SLC2A13: variants seen among roughly 807,000 people sequenced by gnomAD.
The protein encoded by SLC2A13 is proton myo-inositol cotransporter.
SLC2A13 carries 32 observed loss-of-function variants against 64.4 expected under a neutral mutation model. The observed-to-expected ratio is 0.50, with a 90% confidence interval of 0.37 to 0.67. The LOEUF is 0.67. Among genes scored for constraint, SLC2A13 ranks in the 30% least tolerant of loss-of-function variants. The pLI is 0.00. For synonymous variants in SLC2A13, 338 were observed against 327.1 expected, an observed-to-expected ratio of 1.03 and a Z score of -0.36; for missense variants, 743 against 829.2, an observed-to-expected ratio of 0.90 and a Z score of 1.28.
chr12:39,946,670 A>G (rs1418310250), intron 4 of SLC2A13, among the ~76,000 whole-genome samples: 1 of 152,174 alleles, frequency 6.6e-6, no homozygotes, highest in Non-Finnish European at 1.5e-5. Flanking sequence ...GGCCTCACCC[A>G]ACTCTCACGC....
chr12:39,915,698 GT>G (rs905137492), intron 4 of SLC2A13, among the ~76,000 whole-genome samples: 2 of 151,778 alleles, frequency 1.3e-5, no homozygotes, highest in Non-Finnish European at 2.9e-5. Flanking sequence ...AAAGTTTAGG[GT>G]TAAAAATATC....
At chr12:40,032,231 G>T (rs1947916455) in intron 2 of SLC2A13, among the ~76,000 whole-genome samples, 1 of 152,252 alleles carries the variant, frequency 6.6e-6, no homozygotes, top group South Asian at 2.1e-4. Flanking sequence ...GGGTAAACAT[G>T]AACAACAAGC....
intron 1 of SLC2A13, among the ~76,000 whole-genome samples, chr12:40,060,113 A>G (rs1045380243): frequency 6.6e-6 from 1 of 152,094 alleles, no homozygotes; most frequent in Non-Finnish European, 1.5e-5. Context: ...GGATGGATGG[A>G]TGGATGGATG....
intron 4 of SLC2A13, among the ~76,000 whole-genome samples, chr12:39,921,111 T>C (rs940182271): frequency 6.6e-6 from 1 of 152,118 alleles, no homozygotes; most frequent in South Asian, 2.1e-4. Context: ...GTTTTATACA[T>C]AGGGTTTCTA....
intron 6 of SLC2A13, among the ~76,000 whole-genome samples, chr12:39,840,152 T>C (rs1202464952): frequency 1.3e-5 from 2 of 151,894 alleles, no homozygotes; most frequent in Non-Finnish European, 2.9e-5. Context: ...CTGCCTCAGC[T>C]TCCTGAGTAG....
At chr12:40,080,907 T>C (rs1166266451) in intron 1 of SLC2A13, among the ~76,000 whole-genome samples, 2 of 152,200 alleles carry the variant, frequency 1.3e-5, no homozygotes, top group Non-Finnish European at 2.9e-5. Context: ...GGTAATGAAT[T>C]CCCTTAGTGT....
intron 4 of SLC2A13, among the ~76,000 whole-genome samples, chr12:39,898,870 C>T (rs1253619862): frequency 6.6e-6 from 1 of 152,052 alleles, no homozygotes; most frequent in Non-Finnish European, 1.5e-5. Flanking sequence ...ATGTTCTTCA[C>T]CCTTGTATAT....
intron 4 of SLC2A13, among the ~76,000 whole-genome samples, chr12:39,941,990 T>A (rs1210796103): frequency 6.6e-6 from 1 of 152,236 alleles, no homozygotes; most frequent in East Asian, 1.9e-4. Context: ...TTTATGTTTT[T>A]GTTTGCATTG....
At chr12:39,968,802 A>ATCTATATC (rs113272100) in intron 3 of SLC2A13, among the ~76,000 whole-genome samples, 1 of 130,330 alleles carries the variant, frequency 7.7e-6, no homozygotes, top group African/African-American at 3.2e-5. Flanking sequence ...ATATATATAT[A>ATCTATATC]TATATCTACA....
intron 5 of SLC2A13, among the ~76,000 whole-genome samples, chr12:39,870,563 A>G (rs563646171): frequency 1.3e-5 from 2 of 152,200 alleles, no homozygotes; most frequent in East Asian, 3.8e-4. Flanking sequence ...TCTCCAGGCT[A>G]TATACCTCTG....
At chr12:40,079,094 C>A (rs994643387) in intron 1 of SLC2A13, among the ~76,000 whole-genome samples, 1 of 152,090 alleles carries the variant, frequency 6.6e-6, no homozygotes, top group Non-Finnish European at 1.5e-5. Context: ...TTTCATCAAT[C>A]TTTTATATGA....
intron 6 of SLC2A13, among the ~76,000 whole-genome samples, chr12:39,840,135 G>A (rs747505361): frequency 2.6e-5 from 4 of 151,882 alleles, no homozygotes; most frequent in African/African-American, 4.8e-5. Context: ...GGGTTTAAGC[G>A]ATTTTCCTGC....
intron 6 of SLC2A13, among the ~76,000 whole-genome samples, chr12:39,832,258 T>C (rs1041422724): frequency 2.6e-5 from 4 of 152,188 alleles, no homozygotes; most frequent in African/African-American, 9.6e-5. Flanking sequence ...AGATAATTTC[T>C]ACTAGTATTT....
rs1486895403 is a variant in SLC2A13, at chr12:39,812,374, TTTCTTTTCTTTCTTTCTC to T, written c.1445+17711_1445+17728del. On this transcript the variant is annotated intron_variant, in intron 7 of 9. Coordinates refer to ENST00000280871, the MANE Select transcript of SLC2A13 (RefSeq NM_052885.4). Reference sequence around the variant, plus strand: ...TTTCTTTTCTTTTCTTTTCTTTTCTTTTCTTTTCTTTCTTTCTCTCTCTCTTTCTTCCTTCCTTCCTTC... The same window carrying T: ...TTTCTTTTCTTTTCTTTTCTTTTCTTTCTCTCTTTCTTCCTTCCTTCCTTC... 2.2e-3 allele frequency among the ~76,000 whole-genome samples: 264 copies of T among 122,398 alleles called. 2 individuals carry two copies. Among genetic ancestry groups the T allele is most frequent in the Middle Eastern group, 4.4e-3 (1 of 228 alleles). 80.3% of individuals were successfully genotyped at this position (122,398 alleles called of 152,430 possible).
At chr12:39,997,873 G>C (rs769552928) in intron 3 of SLC2A13, among the ~76,000 whole-genome samples, 51 of 152,098 alleles carry the variant, frequency 3.4e-4, no homozygotes, top group Non-Finnish European at 5.7e-4. Flanking sequence ...AAAAATAGTA[G>C]ATGTTGATGG....
chr12:39,884,122 A>T (rs957939322), intron 4 of SLC2A13, among the ~76,000 whole-genome samples: 1 of 152,142 alleles, frequency 6.6e-6, no homozygotes, highest in South Asian at 2.1e-4. Flanking sequence ...CTGTAAACTA[A>T]ATCTGTATTT....
intron 4 of SLC2A13, among the ~76,000 whole-genome samples, chr12:39,948,130 G>A (rs1946170193): frequency 6.6e-6 from 1 of 151,994 alleles, no homozygotes; most frequent in East Asian, 1.9e-4. Flanking sequence ...TCTCTCCTAT[G>A]AATAAAGGAA....
chr12:39,806,802 T>C (rs908977946), intron 7 of SLC2A13, among the ~76,000 whole-genome samples: 4 of 152,208 alleles, frequency 2.6e-5, no homozygotes, highest in Admixed American at 2.6e-4. Flanking sequence ...AATAAATTTG[T>C]AGGAGTTAAA....
chr12:40,102,069 T>C (rs1431751758), intron 1 of SLC2A13, among the ~76,000 whole-genome samples: 2 of 152,230 alleles, frequency 1.3e-5, no homozygotes, highest in Non-Finnish European at 1.5e-5. Flanking sequence ...ACTGTAGAAC[T>C]TTCCTCAATC....
Sources: gnomAD v4.1 joint callset for allele counts (sites outside exome capture counted in the v4.1 genomes callset) on GRCh38, gnomAD v4.1.1 for gene constraint, MANE v1.5 for transcripts, NCBI Gene and HGNC (gene_info 2026-07-23, HGNC 2026-07-21) for gene names.